Variants in OSBPL9 observed in about 807,000 individuals in gnomAD.
OSBPL9 encodes oxysterol binding protein like 9, also known as oxysterol-binding protein-related protein 9.
OSBPL9 carries 40 observed loss-of-function variants against 106.6 expected under a neutral mutation model. The observed-to-expected ratio is 0.38, with a 90% CI of 0.29 to 0.49. The LOEUF (loss-of-function observed/expected upper bound fraction) is 0.49, where lower values mean the gene tolerates loss of function less well. Among genes scored for constraint, OSBPL9 ranks in the 20% least tolerant of loss-of-function variants. The pLI, the probability that OSBPL9 is intolerant of heterozygous loss-of-function variation, is 0.97. For missense variants in OSBPL9, 609 were observed against 887.2 expected, an observed-to-expected ratio of 0.69 and a Z score of 3.98; for synonymous variants, 269 against 295.4, an observed-to-expected ratio of 0.91 and a Z score of 0.92.
At chr1:51,766,664 C>G (rs1033853384) in intron 12 of OSBPL9, among the ~76,000 whole-genome samples, 1 of 152,134 alleles carries the variant, frequency 6.6e-6, no homozygotes, top group African/African-American at 2.4e-5. Flanking sequence ...TTACTAAGTC[C>G]CAGGTTTTTG....
chr1:51,659,475 A>T (rs1424852096), intron 2 of OSBPL9, among the ~76,000 whole-genome samples: 1 of 152,106 alleles, frequency 6.6e-6, no homozygotes, highest in Non-Finnish European at 1.5e-5. Flanking sequence ...TGATCTAAAC[A>T]TTAAAATTTT....
intron 9 of OSBPL9, among the ~76,000 whole-genome samples, chr1:51,757,738 T>G (rs942285394): frequency 4.6e-5 from 7 of 152,282 alleles, no homozygotes; most frequent in Non-Finnish European, 1.0e-4. Context: ...AGAGGCAGGC[T>G]GCTTGGGTTC....
intron 7 of OSBPL9, among the ~76,000 whole-genome samples, chr1:51,749,826 G>T (rs1390001872): frequency 6.7e-6 from 1 of 150,190 alleles, no homozygotes; most frequent in East Asian, 1.9e-4. Context: ...AATTGTGCCT[G>T]TGAATAGCCA....
chr1:51,724,478 G>A (rs1035653994), intron 4 of OSBPL9, among the ~76,000 whole-genome samples: 3 of 151,812 alleles, frequency 2.0e-5, no homozygotes, highest in South Asian at 2.1e-4. Context: ...AGAGACGGGG[G>A]TTCCACCATG....
chr1:51,556,438 T>G, the OSBPL9 span, among the ~76,000 whole-genome samples: 1 of 152,088 alleles, frequency 6.6e-6, no homozygotes, highest in Admixed American at 6.6e-5. Context: ...CTCATGGAGT[T>G]AGAGAGCAGA....
intron 4 of OSBPL9, among the ~76,000 whole-genome samples, chr1:51,736,388 T>C (rs78727411): frequency 1.3e-5 from 2 of 152,192 alleles, no homozygotes; most frequent in South Asian, 4.1e-4. Flanking sequence ...TCTATTCAAG[T>C]CAGGGTCGTT....
At chr1:51,713,856 T>C (rs1025027447) in intron 3 of OSBPL9, 147 bp from the exon 4 acceptor site, 1 of 578,806 alleles carries the variant, frequency 1.7e-6, no homozygotes, top group African/African-American at 1.9e-5. Context: ...GTAAAAAATA[T>C]TAATAGATCA....
chr1:51,723,660 C>CGTTAGCCTCCTGA (rs1557742273), intron 4 of OSBPL9, among the ~76,000 whole-genome samples: 1 of 152,116 alleles, frequency 6.6e-6, no homozygotes, highest in African/African-American at 2.4e-5. Flanking sequence ...GATCCTCCTG[C>CGTTAGCCTCCTGA]GTTAGCCTCC....
At chr1:51,635,873 A>T (rs1645401357) in intron 1 of OSBPL9, among the ~76,000 whole-genome samples, 1 of 151,986 alleles carries the variant, frequency 6.6e-6, no homozygotes, top group South Asian at 2.1e-4. Flanking sequence ...AATTAAAAAG[A>T]TTTTTCCCCC....
rs1368423819 is a variant in OSBPL9, at chr1:51,784,486, A to G, written c.1733A>G (p.Asn578Ser). 3 of 1,613,974 alleles carry G rather than the reference A, an allele frequency of 1.9e-6. No homozygotes were observed. The South Asian group carries it at 3.3e-5, about 18-fold the overall frequency. Residue 578 changes from asparagine to serine, a missense_variant, in exon 20 of 24, where the codon AAT (asparagine) becomes AGT (serine). Around this residue, in one of 5 missense-constraint regions of OSBPL9, gnomAD observed 19 missense variants for 60.9 expected, o/e 0.31. Transcript: ENST00000428468. ...VPWVELGGEC[N>S]INCSKTGYSA... ...TGGGTGGAATTAGGAGGAGAATGCAATATTAATTGTTCCAAAACAGGCTAT... is the reference window on the plus strand; with the variant it reads ...TGGGTGGAATTAGGAGGAGAATGCAGTATTAATTGTTCCAAAACAGGCTAT...
intron 1 of OSBPL9, among the ~76,000 whole-genome samples, chr1:51,622,920 A>C (rs185323752): frequency 1.3e-5 from 2 of 152,176 alleles, no homozygotes; most frequent in Non-Finnish European, 2.9e-5. Context: ...ATTTTAAACC[A>C]CCACAATCAC....
chr1:51,754,283 T>C (rs991551372), intron 8 of OSBPL9, among the ~76,000 whole-genome samples: 4 of 152,210 alleles, frequency 2.6e-5, no homozygotes, highest in African/African-American at 9.7e-5. Flanking sequence ...ATCACTGAAA[T>C]TGGGAAAAAG....
chr1:51,600,880 T>G (rs1258458834), intron 2 of OSBPL9, among the ~76,000 whole-genome samples: 3 of 152,186 alleles, frequency 2.0e-5, no homozygotes, highest in South Asian at 2.1e-4. Context: ...AATATCAGAT[T>G]TAGTTCACGA....
At chr1:51,758,056 T>C (rs1417786478) in intron 9 of OSBPL9, among the ~76,000 whole-genome samples, 1 of 152,156 alleles carries the variant, frequency 6.6e-6, no homozygotes, top group African/African-American at 2.4e-5. Context: ...TGTGACATAT[T>C]TGAGCCTGAA....
the OSBPL9 span, among the ~76,000 whole-genome samples, chr1:51,521,075 G>A: frequency 2.0e-5 from 3 of 152,160 alleles, no homozygotes; most frequent in Admixed American, 6.5e-5. Flanking sequence ...TACAAATGAG[G>A]TAATGCAGGG....
intron 3 of OSBPL9, among the ~76,000 whole-genome samples, chr1:51,675,946 G>A (rs1002092327): frequency 6.6e-6 from 1 of 152,056 alleles, no homozygotes; most frequent in Admixed American, 6.6e-5. Flanking sequence ...TTTAACTCAT[G>A]CAGTTTTCAC....
At chr1:51,747,553 CTT>C (rs746109312) in intron 6 of OSBPL9, among the ~76,000 whole-genome samples, 1 of 42,384 alleles carries the variant, frequency 2.4e-5, no homozygotes, top group African/African-American at 8.6e-5. Flanking sequence ...CTCTCCTTGG[CTT>C]TTTTTTTTTT....
chr1:51,714,186 A>T, intron 4 of OSBPL9, 107 bp downstream of exon 4: 7 of 745,390 alleles, frequency 9.4e-6, no homozygotes. Flanking sequence ...TGTAATAGGA[A>T]CTTATAATTT....
chr1:51,599,840 A>G lies in OSBPL9; in HGVS notation c.-353+1647A>G, dbSNP rs1645318725. On this transcript the variant is annotated intron_variant, in intron 2 of 25. Transcript: ENST00000371714. ...TATAAAGAACAGAAATTTATTTCTC[A>G]CAGTTCTGGAGGCTGGGACGTCCAA... is the stretch of plus-strand genomic sequence containing the variant. Among the ~76,000 whole-genome samples, 4 of 152,186 alleles carry G rather than the reference A, an allele frequency of 2.6e-5. No homozygotes were observed. The South Asian group carries it at 8.3e-4, about 32-fold the overall frequency.
Sources: allele counts gnomAD v4.1 joint callset (sites outside exome capture counted in the v4.1 genomes callset), GRCh38; gene constraint gnomAD v4.1.1; regional missense constraint gnomAD v4.1.1; transcripts MANE v1.5; gene names NCBI Gene and HGNC (gene_info 2026-07-23, HGNC 2026-07-21).